GRID2: variants seen among roughly 807,000 people sequenced by gnomAD.
GRID2 encodes the protein glutamate receptor ionotropic, delta-2.
In GRID2, 33 loss-of-function variants were observed where a neutral mutation model predicts 114.8. The observed-to-expected ratio is 0.29, with a 90% CI of 0.22 to 0.38. The LOEUF is 0.38. GRID2 is among the 10% of genes least tolerant of loss of function. GRID2 has a pLI of 1.00. For synonymous variants in GRID2, 505 were observed against 449.9 expected (o/e 1.12, Z -1.55); for missense variants, 1,184 against 1,257.7 (o/e 0.94, Z 0.89).
At chr4:92,945,819 T>C (rs1378147086) in intron 2 of GRID2, among the ~76,000 whole-genome samples, 3 of 152,164 alleles carry the variant, frequency 2.0e-5, no homozygotes, top group Non-Finnish European at 1.5e-5. Flanking sequence ...TTTTACTGTC[T>C]GTAATTTTTG....
Position 93,001,708 on chromosome 4 carries a change from A to G in GRID2, c.245-83287A>G, listed in dbSNP as rs939698580. On this transcript the variant is annotated intron_variant, in intron 2 of 15. Coordinates refer to ENST00000282020, the MANE Select transcript of GRID2 (RefSeq NM_001510.4). Reference sequence around the variant, plus strand: ...GAAAGAGAGGGAAGCAAATGTTTACAGAGAATCTGCCATTATCAGCTGTGT... The same window carrying G: ...GAAAGAGAGGGAAGCAAATGTTTACGGAGAATCTGCCATTATCAGCTGTGT... 2.0e-5 allele frequency among the ~76,000 whole-genome samples: 3 copies of G among 151,726 alleles called. No individual in the cohort carries two copies. In the Admixed American group the frequency reaches 2.0e-4, roughly 10 times the overall value.
At chr4:92,631,776 T>G (rs1730819715) in intron 2 of GRID2, among the ~76,000 whole-genome samples, 1 of 152,166 alleles carries the variant, frequency 6.6e-6, no homozygotes, top group Admixed American at 6.5e-5. Flanking sequence ...TTGTCAAATC[T>G]TGTATCAAAT....
At chr4:92,590,824 T>C (rs1380095298) in intron 2 of GRID2, among the ~76,000 whole-genome samples, 3 of 152,196 alleles carry the variant, frequency 2.0e-5, no homozygotes, top group Non-Finnish European at 4.4e-5. Flanking sequence ...CCTTTTCCTC[T>C]GTAAACCTGA....
chr4:92,889,406 A>T (rs1746588576), intron 2 of GRID2, among the ~76,000 whole-genome samples: 1 of 152,200 alleles, frequency 6.6e-6, no homozygotes, highest in South Asian at 2.1e-4. Flanking sequence ...TTAAGCTGAT[A>T]AGCAACTTCA....
rs565793094 is a variant in GRID2 at position 92,444,497 on chromosome 4, G to A, written c.88+139753G>A. Among the ~76,000 whole-genome samples the A allele has an allele frequency of 2.0e-5, 3 of 152,178 alleles. No homozygotes were observed. In the South Asian group the frequency reaches 6.2e-4, roughly 32 times the overall value. ...AATGTCATCACTTAAGGCAAGGACTGGCCATTTACACTTCTTTTGTGGTGG... is the reference window on the plus strand; with the variant it reads ...AATGTCATCACTTAAGGCAAGGACTAGCCATTTACACTTCTTTTGTGGTGG... On this transcript the variant is annotated intron_variant, in intron 1 of 15. Transcript: ENST00000282020.
chr4:92,779,961 G>A (rs533048982), intron 2 of GRID2, among the ~76,000 whole-genome samples: 45 of 151,816 alleles, frequency 3.0e-4, no homozygotes, highest in African/African-American at 9.9e-4. Flanking sequence ...GGTAACTACA[G>A]CATGTGATAC....
intron 13 of GRID2, among the ~76,000 whole-genome samples, chr4:93,542,457 GTATTAA>G (rs1240850734): frequency 1.3e-5 from 2 of 152,136 alleles, no homozygotes; most frequent in African/African-American, 4.8e-5. Context: ...CTGATCGCCA[GTATTAA>G]ACCACAAATT....
At chr4:93,199,828 C>A (rs972544415) in intron 4 of GRID2, among the ~76,000 whole-genome samples, 1 of 152,096 alleles carries the variant, frequency 6.6e-6, no homozygotes, top group Non-Finnish European at 1.5e-5. Context: ...AAATAATACT[C>A]CAGTCTCCCT....
At chr4:93,198,796 A>G (rs756493667) in intron 4 of GRID2, among the ~76,000 whole-genome samples, 1 of 152,128 alleles carries the variant, frequency 6.6e-6, no homozygotes, top group Non-Finnish European at 1.5e-5. Flanking sequence ...GAGCTCATAT[A>G]TTGCATTTAG....
chr4:92,887,246 T>C (rs1474965032), intron 2 of GRID2, among the ~76,000 whole-genome samples: 4 of 152,228 alleles, frequency 2.6e-5, no homozygotes, highest in African/African-American at 4.8e-5. Context: ...TATCCTTACA[T>C]AGGACACCCA....
intron 1 of GRID2, among the ~76,000 whole-genome samples, chr4:92,491,819 T>C (rs1315369145): frequency 6.6e-6 from 1 of 152,174 alleles, no homozygotes; most frequent in Admixed American, 6.6e-5. Context: ...ATAAAAGCAT[T>C]ACCATTTCTA....
At chr4:92,963,417 A>T (rs1488446380) in intron 2 of GRID2, among the ~76,000 whole-genome samples, 1 of 152,014 alleles carries the variant, frequency 6.6e-6, no homozygotes, top group Non-Finnish European at 1.5e-5. Context: ...TTGTCATTTC[A>T]ACAAGGTCCA....
At chr4:93,167,419 T>C (rs1459924148) in intron 4 of GRID2, among the ~76,000 whole-genome samples, 1 of 152,290 alleles carries the variant, frequency 6.6e-6, no homozygotes, top group East Asian at 1.9e-4. Flanking sequence ...TGGTTTTTGT[T>C]GTCTTAGTTA....
chr4:92,902,147 C>CTATT (rs934558247), intron 2 of GRID2, among the ~76,000 whole-genome samples: 27 of 152,184 alleles, frequency 1.8e-4, no homozygotes, highest in African/African-American at 6.3e-4. Context: ...TTTGGGATTT[C>CTATT]TATTTCTTCC....
At chr4:93,714,989 T>TC (rs1324407576) in intron 14 of GRID2, among the ~76,000 whole-genome samples, 1 of 152,188 alleles carries the variant, frequency 6.6e-6, no homozygotes, top group African/African-American at 2.4e-5. Flanking sequence ...GGTGTCTTCC[T>TC]CATGAAATCA....
chr4:92,574,411 G>GTTTTTTTTTTTTT (rs1727783712), intron 1 of GRID2, among the ~76,000 whole-genome samples: 1 of 122,920 alleles, frequency 8.1e-6, no homozygotes. Context: ...CTGTACTTTA[G>GTTTTTTTTTTTTT]TATTTTTTTT....
chr4:92,315,900 G>A (rs377310543), intron 1 of GRID2, among the ~76,000 whole-genome samples: 1 of 150,114 alleles, frequency 6.7e-6, no homozygotes, highest in East Asian at 2.0e-4. Flanking sequence ...AACCCAGGAA[G>A]TGGAGGTTGC....
chr4:92,364,849 T>C (rs1232778285), intron 1 of GRID2, among the ~76,000 whole-genome samples: 1 of 152,054 alleles, frequency 6.6e-6, no homozygotes, highest in African/African-American at 2.4e-5. Context: ...CCCCCTGTAA[T>C]CCCGGTTCAA....
intron 2 of GRID2, among the ~76,000 whole-genome samples, chr4:93,041,496 C>G (rs1011908501): frequency 6.6e-6 from 1 of 152,106 alleles, no homozygotes; most frequent in Non-Finnish European, 1.5e-5. Flanking sequence ...TAACTTAATT[C>G]ATTGAGTTGT....
Sources: allele counts gnomAD v4.1 joint callset (sites outside exome capture counted in the v4.1 genomes callset), GRCh38; gene constraint gnomAD v4.1.1; transcripts MANE v1.5; gene names NCBI Gene and HGNC (gene_info 2026-07-23, HGNC 2026-07-21).